The following INTS12 variants were observed in gnomAD, a reference collection of about 807,000 sequenced individuals.
The protein encoded by INTS12 is integrator complex subunit 12, also known as PHD finger protein 22.
In INTS12, 13 loss-of-function variants were observed where a neutral mutation model predicts 41.6. The observed-to-expected ratio is 0.31, with a 90% CI of 0.20 to 0.50. The LOEUF (loss-of-function observed/expected upper bound fraction) is 0.50, where lower values mean the gene tolerates loss of function less well. Ranked by LOEUF, INTS12 falls within the 20% of genes least tolerant of loss-of-function variation. INTS12 has a pLI of 0.98. For missense variants in INTS12, 432 were observed against 541.6 expected, an observed-to-expected ratio of 0.80 and a Z score of 2.01; for synonymous variants, 199 against 191.4, an observed-to-expected ratio of 1.04 and a Z score of -0.33.
chr4:105,700,070 A>C, intron 2 of INTS12, 56 bp from the exon 3 acceptor site: 1 of 1,231,002 alleles, frequency 8.1e-7, no homozygotes, highest in East Asian at 2.4e-5. Context: ...ATCTATGTTA[A>C]AGTTTTACTT....
At chr4:105,698,780 T>C (rs1227974749) in intron 3 of INTS12, among the ~76,000 whole-genome samples, 1 of 152,208 alleles carries the variant, frequency 6.6e-6, no homozygotes, top group Non-Finnish European at 1.5e-5. Flanking sequence ...GAAAGAAGGC[T>C]GGGGACAAAA....
intron 1 of INTS12, among the ~76,000 whole-genome samples, chr4:105,704,245 A>G (rs1304747287): frequency 6.6e-6 from 1 of 152,190 alleles, no homozygotes; most frequent in Non-Finnish European, 1.5e-5. Flanking sequence ...AGGTAAACCT[A>G]ATACATACGA....
At chr4:105,683,363 G>C in intron 7 of INTS12, 46 bp from the exon 8 acceptor site, 1 of 1,344,234 alleles carries the variant, frequency 7.4e-7, no homozygotes, top group Non-Finnish European at 1.0e-6. Flanking sequence ...AGTTTAATCA[G>C]TACCTGTATA....
chr4:105,690,747 G>A (rs147326838), intron 6 of INTS12, among the ~76,000 whole-genome samples: 14 of 152,214 alleles, frequency 9.2e-5, no homozygotes, highest in African/African-American at 3.4e-4. Context: ...TATTAAAGGA[G>A]CTAAAGTGAT....
chr4:105,701,167 T>G (rs1223645226), intron 2 of INTS12, among the ~76,000 whole-genome samples: 1 of 149,474 alleles, frequency 6.7e-6, no homozygotes, highest in Non-Finnish European at 1.5e-5. Flanking sequence ...TGTTGTCCCC[T>G]CCCCTCCAGC....
chr4:105,697,368 A>G (rs1731904140), intron 3 of INTS12, among the ~76,000 whole-genome samples: 1 of 152,228 alleles, frequency 6.6e-6, no homozygotes, highest in Admixed American at 6.5e-5. Flanking sequence ...GTACAAAAGT[A>G]TAAATGGGAA....
intron 3 of INTS12, among the ~76,000 whole-genome samples, chr4:105,697,592 G>A (rs981966420): frequency 6.6e-6 from 1 of 152,094 alleles, no homozygotes; most frequent in Admixed American, 6.5e-5. Context: ...TATAATGTAT[G>A]GCTGCGTTCA....
intron 1 of INTS12, among the ~76,000 whole-genome samples, chr4:105,704,430 T>C (rs944040266): frequency 1.3e-5 from 2 of 152,204 alleles, no homozygotes; most frequent in East Asian, 3.9e-4. Flanking sequence ...AAATACAAAC[T>C]CTTGGTCTCC....
At chr4:105,691,749 T>C (rs1731693436) in intron 6 of INTS12, among the ~76,000 whole-genome samples, 1 of 152,210 alleles carries the variant, frequency 6.6e-6, no homozygotes, top group African/African-American at 2.4e-5. Flanking sequence ...TCTTGTTTTA[T>C]CTATATTAGA....
intron 6 of INTS12, among the ~76,000 whole-genome samples, chr4:105,690,707 A>C (rs556741872): frequency 6.6e-6 from 1 of 152,322 alleles, no homozygotes; most frequent in South Asian, 2.1e-4. Flanking sequence ...AGGAGAAAAA[A>C]CTTGGGGGAA....
intron 7 of INTS12, among the ~76,000 whole-genome samples, chr4:105,684,847 C>A (rs1412295426): frequency 6.6e-6 from 1 of 152,040 alleles, no homozygotes; most frequent in East Asian, 1.9e-4. Context: ...CAAAAAACTT[C>A]ACAAAAGAAA....
chr4:105,699,561 A>C (rs1240674119), intron 3 of INTS12, among the ~76,000 whole-genome samples: 1 of 152,200 alleles, frequency 6.6e-6, no homozygotes, highest in Non-Finnish European at 1.5e-5. Context: ...GCAGCTTAAA[A>C]AAAATTCTGA....
chr4:105,688,455 A>G (rs899798470), intron 6 of INTS12, among the ~76,000 whole-genome samples: 2 of 152,188 alleles, frequency 1.3e-5, no homozygotes, highest in Non-Finnish European at 2.9e-5. Context: ...TTTATACTAC[A>G]TACCTTCCAC....
intron 4 of INTS12, among the ~76,000 whole-genome samples, chr4:105,694,746 T>C (rs1429804634): frequency 6.6e-6 from 1 of 152,244 alleles, no homozygotes; most frequent in African/African-American, 2.4e-5. Flanking sequence ...GGGCAAGGGT[T>C]ACTGAAGATA....
rs145728309 is a variant in INTS12 at position 105,692,989 on chromosome 4, A to G, written c.497+310T>C. On this transcript the variant is annotated intron_variant, in intron 5 of 7. Coordinates refer to ENST00000340139, the MANE Select transcript of INTS12 (RefSeq NM_020395.4). ...CAACAGCACAAAAAGCAATCACCAT[A>G]GCCTTAGATTATCAAAGGCATATAT... Among the ~76,000 whole-genome samples the G allele has an allele frequency of 2.0e-5, 3 of 152,370 alleles. No individual in the cohort carries two copies. The East Asian group carries it at 5.8e-4, about 29-fold the overall frequency.
chr4:105,686,109 C>T (rs1044416463), intron 7 of INTS12, among the ~76,000 whole-genome samples: 4 of 152,132 alleles, frequency 2.6e-5, no homozygotes, highest in Admixed American at 2.6e-4. Flanking sequence ...GTCACCCAGG[C>T]TGGAGTGCAA....
intron 1 of INTS12, among the ~76,000 whole-genome samples, chr4:105,704,891 C>T (rs1433526522): frequency 6.6e-6 from 1 of 152,148 alleles, no homozygotes; most frequent in African/African-American, 2.4e-5. Flanking sequence ...CTACTACCAC[C>T]CTAGACCAAC....
intron 2 of INTS12, among the ~76,000 whole-genome samples, chr4:105,702,130 C>CTTTTTTTT (rs950826694): frequency 1.3e-3 from 145 of 109,508 alleles, no homozygotes; most frequent in Non-Finnish European, 1.6e-3. Flanking sequence ...ATTTCTATTT[C>CTTTTTTTT]TTTTTTTTTT....
At chr4:105,701,171 C>G (rs1281055103) in intron 2 of INTS12, among the ~76,000 whole-genome samples, 3 of 151,782 alleles carry the variant, frequency 2.0e-5, no homozygotes, top group Non-Finnish European at 4.4e-5. Flanking sequence ...GTCCCCTCCC[C>G]TCCAGCTTCA....
Sources: gnomAD v4.1 joint callset for allele counts (sites outside exome capture counted in the v4.1 genomes callset) on GRCh38, gnomAD v4.1.1 for gene constraint, MANE v1.5 for transcripts, NCBI Gene and HGNC (gene_info 2026-07-23, HGNC 2026-07-21) for gene names.